NPAS2: variants seen among roughly 807,000 people sequenced by gnomAD.
NPAS2 encodes the protein neuronal PAS domain-containing protein 2.
NPAS2 carries 23 observed loss-of-function variants against 107.5 expected under a neutral mutation model. That is an observed-to-expected ratio of 0.21 (90% CI 0.15 to 0.30). NPAS2 has a LOEUF of 0.30. NPAS2 is among the 10% of genes least tolerant of loss of function. The pLI is 1.00. For missense variants in NPAS2, 756 were observed against 1,043.3 expected (o/e 0.72, Z 3.79); for synonymous variants, 403 against 417.5 (o/e 0.97, Z 0.42).
intron 1 of NPAS2, among the ~76,000 whole-genome samples, chr2:100,853,208 C>T (rs1182436524): frequency 1.3e-5 from 2 of 152,234 alleles, no homozygotes; most frequent in African/African-American, 2.4e-5. Flanking sequence ...CTCTCAGCTT[C>T]TGTCGCAATC....
rs1025141141 is a variant in NPAS2 at position 100,975,560 on chromosome 2, C to T, written c.1385C>T (p.Thr462Ile). 1.2e-6 allele frequency: 2 copies of T among 1,609,916 alleles called. No homozygotes were observed. The highest frequency in any genetic ancestry group is 1.7e-6 in the Non-Finnish European group (2 of 1,177,810). The change falls in exon 14 of 21, where the codon ACC becomes ATC. Residue 462 changes from threonine (T) to isoleucine (I), a missense_variant. By Grantham distance (89) the Thr-to-Ile change is moderately conservative. This residue lies in a region of NPAS2 where 496 missense variants were observed against 594.4 expected (regional missense o/e 0.83). Coordinates refer to ENST00000335681, the MANE Select transcript of NPAS2 (RefSeq NM_002518.4). ...LPVPGLSQAA[T>I]MPAPLPSPSS... ...GTCCCCGGGCTCAGCCAGGCAGCCA[C>T]CATGCCGGTAAGTGTGTGACCCCAA...
intron 17 of NPAS2, 62 bp downstream of exon 17, chr2:100,988,338 G>T: frequency 7.0e-7 from 1 of 1,429,662 alleles, no homozygotes. Flanking sequence ...CTTGCAGTTT[G>T]GGACATACTT....
At chr2:100,835,297 T>C (rs1039541280) in intron 1 of NPAS2, among the ~76,000 whole-genome samples, 1 of 152,242 alleles carries the variant, frequency 6.6e-6, no homozygotes, top group African/African-American at 2.4e-5. Context: ...CTCGTTTTTA[T>C]TTACTTTTTC....
At chr2:100,921,548 A>G (rs2104872100) in intron 2 of NPAS2, among the ~76,000 whole-genome samples, 1 of 152,114 alleles carries the variant, frequency 6.6e-6, no homozygotes, top group South Asian at 2.1e-4. Flanking sequence ...TCTCTCTCTT[A>G]CTCTCTCTTT....
Position 100,929,090 on chromosome 2 carries a change from A to G in NPAS2, c.181+3796A>G, listed in dbSNP as rs1683771746. Among the ~76,000 whole-genome samples the G allele has an allele frequency of 2.0e-5, 3 of 152,206 alleles. No individual in the cohort carries two copies. In the South Asian group the frequency reaches 6.2e-4, roughly 31 times the overall value. On this transcript the variant is annotated intron_variant, in intron 3 of 20. Coordinates refer to ENST00000335681, the MANE Select transcript of NPAS2 (RefSeq NM_002518.4). ...GGCTAATTTTTTGTATTTTTAGTGA[A>G]GACGGGGTTTTGCCACTTTGGCTAG... is the stretch of plus-strand genomic sequence containing the variant.
chr2:100,847,778 CTG>C (rs1298505141), intron 1 of NPAS2, among the ~76,000 whole-genome samples: 14 of 152,200 alleles, frequency 9.2e-5, no homozygotes, highest in African/African-American at 3.4e-4. Context: ...CGTTAATGTT[CTG>C]TGTTGATGAC....
intron 1 of NPAS2, among the ~76,000 whole-genome samples, chr2:100,875,153 G>A (rs2104596884): frequency 6.6e-6 from 1 of 152,292 alleles, no homozygotes; most frequent in South Asian, 2.1e-4. Flanking sequence ...AACCTTATGG[G>A]CGTTATGCTA....
intron 4 of NPAS2, among the ~76,000 whole-genome samples, chr2:100,936,700 G>T (rs1178210686): frequency 3.3e-5 from 5 of 152,182 alleles, no homozygotes; most frequent in Non-Finnish European, 5.9e-5. Flanking sequence ...AGCAAAAGTG[G>T]CTGGGTGCAG....
intron 2 of NPAS2, among the ~76,000 whole-genome samples, chr2:100,922,567 G>C (rs1417679355): frequency 6.6e-6 from 1 of 152,122 alleles, no homozygotes; most frequent in African/African-American, 2.4e-5. Context: ...TGGGCAACAA[G>C]AGTGAGACTC....
At chr2:100,987,337 A>G (rs778444424) in intron 16 of NPAS2, 1 of 152,222 alleles carries the variant, frequency 6.6e-6, no homozygotes, top group Non-Finnish European at 1.5e-5. Context: ...TAAAACCACC[A>G]AGCTAATATC....
intron 7 of NPAS2, among the ~76,000 whole-genome samples, chr2:100,957,684 TG>T (rs1349542876): frequency 5.3e-5 from 8 of 151,892 alleles, no homozygotes; most frequent in Non-Finnish European, 8.8e-5. Context: ...CCCAGCACTT[TG>T]GGAGGCCGAG....
Position 100,867,671 on chromosome 2 carries a change from A to G in NPAS2, c.-22-37062A>G, listed in dbSNP as rs567631386. On this transcript the variant is annotated intron_variant, in intron 1 of 20. Coordinates refer to ENST00000335681, the MANE Select transcript of NPAS2 (RefSeq NM_002518.4). ...AAATCTTTTTAACTGGAGAGATTAT[A>G]TGTTTATTATGATTACTAAAGTACT... Among the ~76,000 whole-genome samples, 47 of 152,194 alleles carry G rather than the reference A, an allele frequency of 3.1e-4. 1 individual carries two copies. Among genetic ancestry groups the G allele is most frequent in the South Asian group, 2.3e-3 (11 of 4,820 alleles).
chr2:100,934,733 G>A, intron 4 of NPAS2: 11 of 958,950 alleles, frequency 1.1e-5, no homozygotes, highest in Non-Finnish European at 1.4e-5. Context: ...TCTCCTCCCT[G>A]GTGGCCTGAG....
chr2:100,851,608 C>G (rs1031665553), intron 1 of NPAS2, among the ~76,000 whole-genome samples: 1 of 152,212 alleles, frequency 6.6e-6, no homozygotes, highest in South Asian at 2.1e-4. Flanking sequence ...TGGCCAGAAA[C>G]ACATGCAGCT....
intron 7 of NPAS2, among the ~76,000 whole-genome samples, chr2:100,962,006 GTC>G (rs1470600681): frequency 2.0e-5 from 3 of 152,060 alleles, no homozygotes; most frequent in African/African-American, 7.2e-5. Context: ...GTTTTCAAAT[GTC>G]TCTTTTTTTT....
At chr2:100,825,105 A>G (rs1008121766) in intron 1 of NPAS2, among the ~76,000 whole-genome samples, 4 of 152,212 alleles carry the variant, frequency 2.6e-5, no homozygotes, top group Non-Finnish European at 4.4e-5. Context: ...TTCCCAGACC[A>G]CTGAAAATCA....
chr2:100,878,635 T>A, intron 1 of NPAS2: 2 of 985,376 alleles, frequency 2.0e-6, no homozygotes, highest in Non-Finnish European at 1.2e-6. Flanking sequence ...AGAATCAAGG[T>A]AACTTTGCGG....
chr2:100,873,301 T>C (rs1291733079), intron 1 of NPAS2, among the ~76,000 whole-genome samples: 101 of 64,750 alleles, frequency 1.6e-3, no homozygotes, highest in African/African-American at 7.1e-3. Context: ...TATATATATA[T>C]ATATATACAC....
At chr2:100,852,542 A>G (rs891771456) in intron 1 of NPAS2, among the ~76,000 whole-genome samples, 1 of 152,198 alleles carries the variant, frequency 6.6e-6, no homozygotes, top group African/African-American at 2.4e-5. Context: ...GCATCTGTCA[A>G]TGCAGGGACC....
Sources: gnomAD v4.1 joint callset for allele counts (sites outside exome capture counted in the v4.1 genomes callset) on GRCh38, gnomAD v4.1.1 for gene constraint, gnomAD v4.1.1 regional missense constraint, MANE v1.5 for transcripts, NCBI Gene and HGNC (gene_info 2026-07-23, HGNC 2026-07-21) for gene names.